Variants in GRM8 observed in about 807,000 individuals in gnomAD.
The protein encoded by GRM8 is glutamate metabotropic receptor 8.
GRM8 carries 47 observed loss-of-function variants against 87.2 expected under a neutral mutation model. That is an observed-to-expected ratio of 0.54 (90% CI 0.43 to 0.69). The LOEUF (loss-of-function observed/expected upper bound fraction) is 0.69. Ranked by LOEUF, GRM8 falls within the 30% of genes least tolerant of loss-of-function variation. The pLI is 0.00. For missense variants in GRM8, 1,019 were observed against 1,139.2 expected (o/e 0.89, Z 1.52); for synonymous variants, 396 against 404.5 (o/e 0.98, Z 0.25).
At chr7:126,737,585 C>T (rs1032496926) in intron 7 of GRM8, among the ~76,000 whole-genome samples, 1 of 152,008 alleles carries the variant, frequency 6.6e-6, no homozygotes, top group Non-Finnish European at 1.5e-5. Flanking sequence ...TACAACCTCT[C>T]TCATGATATT....
intron 3 of GRM8, among the ~76,000 whole-genome samples, chr7:126,909,050 A>G (rs1477102981): frequency 6.6e-6 from 1 of 152,222 alleles, no homozygotes; most frequent in East Asian, 1.9e-4. Context: ...ATGGTCTACT[A>G]TGTTTCAGGA....
intron 7 of GRM8, among the ~76,000 whole-genome samples, chr7:126,657,806 T>C (rs113479987): frequency 1.2e-5 from 1 of 81,244 alleles, no homozygotes; most frequent in Admixed American, 1.3e-4. Flanking sequence ...GTGGAGTGAG[T>C]GGGGAAACCC....
At chr7:126,686,081 G>T (rs999078398) in intron 7 of GRM8, among the ~76,000 whole-genome samples, 6 of 151,452 alleles carry the variant, frequency 4.0e-5, no homozygotes, top group Non-Finnish European at 7.4e-5. Context: ...CCCACCCCAG[G>T]GTCTCCTCTC....
At chr7:127,027,304 T>C (rs942982779) in intron 3 of GRM8, among the ~76,000 whole-genome samples, 1 of 152,128 alleles carries the variant, frequency 6.6e-6, no homozygotes. Context: ...CTTAGGATTG[T>C]CTTGGCTATG....
chr7:126,949,215 TAG>T (rs1039185833), intron 3 of GRM8, among the ~76,000 whole-genome samples: 1 of 152,194 alleles, frequency 6.6e-6, no homozygotes. Flanking sequence ...TGCCTATTTC[TAG>T]AGAAGCTTGG....
At chr7:126,816,071 G>A (rs1229742103) in intron 6 of GRM8, among the ~76,000 whole-genome samples, 3 of 151,940 alleles carry the variant, frequency 2.0e-5, no homozygotes, top group Non-Finnish European at 1.5e-5. Flanking sequence ...ACAGCAATGA[G>A]CCTGGGAAAC....
intron 8 of GRM8, among the ~76,000 whole-genome samples, chr7:126,597,164 G>T (rs1274404532): frequency 6.6e-6 from 1 of 152,068 alleles, no homozygotes; most frequent in Non-Finnish European, 1.5e-5. Context: ...ATACTACGGG[G>T]AGTTTAGGAG....
intron 6 of GRM8, among the ~76,000 whole-genome samples, chr7:126,791,701 T>C (rs1821351302): frequency 6.6e-6 from 1 of 152,218 alleles, no homozygotes; most frequent in South Asian, 2.1e-4. Flanking sequence ...GGTGAAGAAA[T>C]AGCTCTTGGT....
intron 2 of GRM8, among the ~76,000 whole-genome samples, chr7:127,166,814 AT>A (rs772015463): frequency 5.3e-5 from 8 of 152,164 alleles, no homozygotes; most frequent in East Asian, 1.9e-4. Flanking sequence ...TCTAGTTTAA[AT>A]TTTTTTAAAG....
intron 3 of GRM8, among the ~76,000 whole-genome samples, chr7:127,053,787 CAAA>C (rs201005387): frequency 4.5e-4 from 19 of 42,242 alleles, no homozygotes; most frequent in Non-Finnish European, 9.6e-5. Context: ...GACTCTGTCT[CAAA>C]AAAAAAAAGG....
chr7:126,982,943 C>T (rs1420521989), intron 3 of GRM8, among the ~76,000 whole-genome samples: 1 of 152,166 alleles, frequency 6.6e-6, no homozygotes, highest in Non-Finnish European at 1.5e-5. Flanking sequence ...CATGGTAATA[C>T]TAAGAGATGC....
chr7:126,672,018 G>T (rs539772890), intron 7 of GRM8, among the ~76,000 whole-genome samples: 3 of 152,272 alleles, frequency 2.0e-5, no homozygotes, highest in East Asian at 3.9e-4. Flanking sequence ...GGATCCAGAG[G>T]CAGACAATAA....
intron 7 of GRM8, among the ~76,000 whole-genome samples, chr7:126,631,257 A>C (rs1801224608): frequency 2.0e-5 from 3 of 152,176 alleles, no homozygotes; most frequent in Middle Eastern, 3.2e-3. Flanking sequence ...CCAAGAGCCA[A>C]ATCATGTATG....
At chr7:126,559,396 C>T (rs1209905376) in intron 8 of GRM8, among the ~76,000 whole-genome samples, 2 of 152,030 alleles carry the variant, frequency 1.3e-5, no homozygotes, top group Non-Finnish European at 2.9e-5. Context: ...TGGTCTCAAA[C>T]TACTGACCTC....
chr7:127,050,043 A>G (rs1819316685), intron 3 of GRM8, among the ~76,000 whole-genome samples: 1 of 152,184 alleles, frequency 6.6e-6, no homozygotes, highest in African/African-American at 2.4e-5. Flanking sequence ...GGACAATGAG[A>G]TGCCACTTAG....
chr7:126,498,013 A>C (rs748270813), intron 9 of GRM8, among the ~76,000 whole-genome samples: 23 of 151,952 alleles, frequency 1.5e-4, no homozygotes, highest in Non-Finnish European at 3.4e-4. Flanking sequence ...AAGACAAAGA[A>C]ATCCCTTGAC....
At chr7:126,702,787 C>T (rs1393492524) in intron 7 of GRM8, among the ~76,000 whole-genome samples, 2 of 152,146 alleles carry the variant, frequency 1.3e-5, no homozygotes, top group African/African-American at 2.4e-5. Flanking sequence ...AAATTGTAAG[C>T]ACTAACTTAC....
intron 2 of GRM8, among the ~76,000 whole-genome samples, chr7:127,210,684 A>G (rs1796161362): frequency 6.6e-6 from 1 of 152,196 alleles, no homozygotes; most frequent in African/African-American, 2.4e-5. Flanking sequence ...TTCTAGCCTA[A>G]CACTCTTTCC....
intron 6 of GRM8, among the ~76,000 whole-genome samples, chr7:126,868,089 A>G (rs1336658477): frequency 6.6e-6 from 1 of 152,268 alleles, no homozygotes; most frequent in East Asian, 1.9e-4. Context: ...GGGTGAGCTG[A>G]GTGCTCTCAG....
Sources: allele counts gnomAD v4.1 joint callset (sites outside exome capture counted in the v4.1 genomes callset), GRCh38; gene constraint gnomAD v4.1.1; transcripts MANE v1.5; gene names NCBI Gene and HGNC (gene_info 2026-07-23, HGNC 2026-07-21).